The following CPNE7 variants were observed in gnomAD, a reference collection of about 807,000 sequenced individuals.
CPNE7 encodes copine 7, also known as copine-7.
Under a neutral mutation model 66.5 loss-of-function variants are expected in CPNE7, and 78 were observed. The observed-to-expected ratio is 1.17, with a 90% confidence interval of 0.98 to 1.42. The LOEUF is 1.42. CPNE7 is among the 40% of genes most tolerant of loss of function. CPNE7 has a pLI of 0.00. For synonymous variants in CPNE7, 468 were observed against 336.7 expected, an observed-to-expected ratio of 1.39 and a Z score of -4.27; for missense variants, 1,012 against 776.6, an observed-to-expected ratio of 1.30 and a Z score of -3.60.
intron 10 of CPNE7, among the ~76,000 whole-genome samples, chr16:89,589,469 C>T (rs144988021): frequency 0.013 from 1,933 of 152,262 alleles, 16 homozygotes; most frequent in Middle Eastern, 0.044. Context: ...GGCACAAAAC[C>T]CTGTGCTCTG....
intron 14 of CPNE7, 155 bp downstream of exon 14, chr16:89,595,758 G>A (rs1164665074): frequency 1.4e-5 from 11 of 766,910 alleles, no homozygotes; most frequent in South Asian, 7.2e-5. Context: ...GTCAAGAGCA[G>A]TATCTGAAGC....
At chr16:89,577,787 T>C (rs1200570840) in intron 2 of CPNE7, 66 bp downstream of exon 2, 2 of 1,503,898 alleles carry the variant, frequency 1.3e-6, no homozygotes, top group Non-Finnish European at 1.8e-6. Flanking sequence ...GATTCAAGGC[T>C]GATGTACCAG....
At chr16:89,590,740 G>A (rs2059153642) in intron 11 of CPNE7, among the ~76,000 whole-genome samples, 2 of 127,506 alleles carry the variant, frequency 1.6e-5, no homozygotes, top group African/African-American at 3.0e-5. Flanking sequence ...GGGGGACATG[G>A]GGGCCAGGTC....
intron 2 of CPNE7, among the ~76,000 whole-genome samples, chr16:89,581,441 C>T (rs932123593): frequency 6.6e-6 from 1 of 152,240 alleles, no homozygotes; most frequent in Non-Finnish European, 1.5e-5. Context: ...TCTGGAATTC[C>T]ACGTCCATGA....
At position 89,585,506 on chromosome 16, in the gene CPNE7, GTCTC is replaced by G. The variant is rs2059020143; in HGVS notation, c.638_641del (p.Ser213Ter). ...GAACCCGGTGTGGGAGGCCTTCAAA[GTCTC>G]TCTGAGTTCCCTCTGCAGCTGCGAG... On this transcript the variant is annotated frameshift_variant, in exon 6 of 15. Coordinates refer to ENST00000319518, the MANE Select transcript of CPNE7 (RefSeq NM_153636.3). LOFTEE classifies it high-confidence loss of function. 7.4e-6 allele frequency: 12 copies of G among 1,612,386 alleles called. No homozygotes were observed. Among genetic ancestry groups the G allele is most frequent in the Non-Finnish European group, 1.0e-5 (12 of 1,179,620 alleles).
chr16:89,586,416 C>T (rs1011764660), intron 7 of CPNE7, among the ~76,000 whole-genome samples: 1 of 151,958 alleles, frequency 6.6e-6, no homozygotes, highest in African/African-American at 2.4e-5. Context: ...GCCCTGCTTC[C>T]TCCCCCGTCC....
At chr16:89,596,420 T>C (rs2059255925) in intron 14 of CPNE7, 64 bp from the exon 15 acceptor site, 2 of 1,546,044 alleles carry the variant, frequency 1.3e-6, no homozygotes, top group African/African-American at 1.4e-5. Flanking sequence ...CATAATCCAG[T>C]TGCAGGGACG....
chr16:89,576,020 G>C lies in CPNE7; in HGVS notation c.123G>C (p.Lys41Asn), dbSNP rs2058854038. Reference sequence around the variant, plus strand: ...TGCTGGACCGCGACCCGCTCACCAAGTCCGACCCCAGCGTGGCGTTGCTGC... The same window carrying C: ...TGCTGGACCGCGACCCGCTCACCAACTCCGACCCCAGCGTGGCGTTGCTGC... ...RHLLDRDPLT[K>N]SDPSVALLQQ... The change falls in exon 1 of 15, where the codon AAG becomes AAC. Residue 41 changes from lysine (K) to asparagine (N), a missense_variant. By Grantham distance (94) the Lys-to-Asn change is moderately conservative. Transcript: ENST00000319518. 8 of 1,356,392 alleles carry C rather than the reference G, an allele frequency of 5.9e-6. No individual in the cohort carries two copies. In the South Asian group the frequency reaches 6.9e-5, roughly 12 times the overall value. 84.0% of individuals were successfully genotyped at this position (1,356,392 alleles called of 1,614,324 possible).
At position 89,577,596 on chromosome 16, in the gene CPNE7, A is replaced by T. The variant is rs1343381776; in HGVS notation, c.232A>T (p.Thr78Ser). ...SLHPVFSKVF[T>S]VDYYFEEVQR... ...GCATCCCGTGTTCTCCAAGGTCTTC[A>T]CGGTGGACTACTACTTCGAGGAGGT... The change falls in exon 2 of 15, where the codon ACG becomes TCG. Residue 78 changes from threonine to serine, a missense_variant. Thr to Ser is a moderately conservative substitution (Grantham distance 58). Coordinates refer to ENST00000319518, the MANE Select transcript of CPNE7 (RefSeq NM_153636.3). 2.6e-6 allele frequency: 4 copies of T among 1,556,566 alleles called. No individual in the cohort carries two copies. The highest frequency in any genetic ancestry group is 3.5e-6 in the Non-Finnish European group (4 of 1,149,540).
intron 13 of CPNE7, among the ~76,000 whole-genome samples, chr16:89,593,166 T>C (rs572672513): frequency 6.6e-6 from 1 of 152,118 alleles, no homozygotes; most frequent in African/African-American, 2.4e-5. Context: ...ACATTCATGA[T>C]GATCAAACAT....
intron 13 of CPNE7, among the ~76,000 whole-genome samples, chr16:89,592,158 AC>A (rs2059183691): frequency 7.0e-6 from 1 of 143,868 alleles, no homozygotes; most frequent in Non-Finnish European, 1.5e-5. Flanking sequence ...ACAGGCGCCC[AC>A]CATCATGCCC....
At position 89,575,988 on chromosome 16, in the gene CPNE7, CG is replaced by C; in HGVS notation, c.93del (p.His32ThrfsTer95). ...GAAGGTGGAGCTGCGGCTCAGCTGC[CG>C]GCACCTGCTGGACCGCGACCCGCTC... ...ASKVELRLSC[R>X]HLLDRDPLTK... On this transcript the variant is annotated frameshift_variant, in exon 1 of 15. Transcript: ENST00000319518. LOFTEE classifies it high-confidence loss of function. 7.3e-7 allele frequency: 1 copy of C among 1,378,264 alleles called. No homozygotes were observed. The highest frequency in any genetic ancestry group is 9.4e-7 in the Non-Finnish European group (1 of 1,065,100). The allele number at this position is 1,378,264 out of a possible 1,614,324, so 85.4% of individuals were successfully genotyped here.
chr16:89,580,770 C>G (rs2058942707), intron 2 of CPNE7, among the ~76,000 whole-genome samples: 1 of 145,182 alleles, frequency 6.9e-6, no homozygotes, highest in Non-Finnish European at 1.5e-5. Flanking sequence ...CCATCACCCG[C>G]TGACACAGAA....
intron 11 of CPNE7, among the ~76,000 whole-genome samples, chr16:89,590,438 T>G (rs1597716102): frequency 6.6e-6 from 1 of 151,974 alleles, no homozygotes; most frequent in African/African-American, 2.4e-5. Flanking sequence ...AGCAAGAGAA[T>G]TGCTTGAACC....
intron 9 of CPNE7, chr16:89,587,670 G>A: frequency 2.4e-6 from 1 of 411,272 alleles, no homozygotes; most frequent in Non-Finnish European, 5.0e-6. Context: ...GTCACCCGCA[G>A]ACCCCGCGTC....
chr16:89,596,101 T>C (rs1012606094), intron 14 of CPNE7, among the ~76,000 whole-genome samples: 11 of 152,252 alleles, frequency 7.2e-5, no homozygotes, highest in African/African-American at 2.4e-4. Flanking sequence ...ACCACAGACA[T>C]GCATGAAGAC....
chr16:89,589,207 A>G (rs7199850), intron 10 of CPNE7, among the ~76,000 whole-genome samples: 80,850 of 151,958 alleles, frequency 0.53, 21,863 homozygotes, highest in East Asian at 0.85. Context: ...CAGGAGAATC[A>G]CTGGAACCCG....
At chr16:89,578,526 G>T (rs1160448431) in intron 2 of CPNE7, among the ~76,000 whole-genome samples, 2 of 152,060 alleles carry the variant, frequency 1.3e-5, no homozygotes, top group Non-Finnish European at 2.9e-5. Flanking sequence ...GTGGGAGGCC[G>T]AGGCGGGCAG....
At position 89,584,587 on chromosome 16, in the gene CPNE7, G is replaced by A. The variant is rs947885307; in HGVS notation, c.508-187G>A. On this transcript the variant is annotated intron_variant, in intron 4 of 14. Coordinates refer to ENST00000319518, the MANE Select transcript of CPNE7 (RefSeq NM_153636.3). The surrounding 1 kb of genome is among the most constrained non-coding windows in gnomAD (Gnocchi z 6.0). Reference sequence around the variant, plus strand: ...TCCATGGAGGGCTGAGTTGCCCGCCGTGGTCAGATCCCTGGGGGCGGGAGG... The same window carrying A: ...TCCATGGAGGGCTGAGTTGCCCGCCATGGTCAGATCCCTGGGGGCGGGAGG... Among the ~76,000 whole-genome samples, 6 of 151,636 alleles carry A rather than the reference G, an allele frequency of 4.0e-5. No homozygotes were observed. The highest frequency in any genetic ancestry group is 7.3e-5 in the African/African-American group (3 of 41,338).
Sources: gnomAD v4.1 joint callset for allele counts (sites outside exome capture counted in the v4.1 genomes callset) on GRCh38, gnomAD v4.1.1 for gene constraint, Gnocchi (gnomAD v3.1) non-coding constraint, MANE v1.5 for transcripts, NCBI Gene and HGNC (gene_info 2026-07-23, HGNC 2026-07-21) for gene names.